SPIDR: variants seen among roughly 807,000 people sequenced by gnomAD.
SPIDR encodes the protein DNA repair-scaffolding protein.
In SPIDR, 93 loss-of-function variants were observed where a neutral mutation model predicts 104.6. The ratio of observed to expected loss-of-function variants is 0.89; its 90% CI spans 0.75 to 1.06. The LOEUF is 1.06. Ranked by LOEUF, SPIDR falls within the 50% of genes least tolerant of loss-of-function variation. SPIDR has a pLI of 0.00. For missense variants in SPIDR, 1,154 were observed against 1,111.2 expected (o/e 1.04, Z -0.55); for synonymous variants, 431 against 416.9 (o/e 1.03, Z -0.41).
At chr8:47,338,230 A>G (rs2050122671) in intron 5 of SPIDR, among the ~76,000 whole-genome samples, 1 of 152,114 alleles carries the variant, frequency 6.6e-6, no homozygotes, top group Admixed American at 6.5e-5. Flanking sequence ...TCTAGTGGTA[A>G]GCTTGGCCTG....
At chr8:47,390,283 A>G (rs373526118) in intron 5 of SPIDR, among the ~76,000 whole-genome samples, 44 of 152,258 alleles carry the variant, frequency 2.9e-4, no homozygotes, top group African/African-American at 1.0e-3. Flanking sequence ...AGAAGCTAGC[A>G]TGTATGTGCC....
chr8:47,437,806 T>TC (rs1317193737), intron 7 of SPIDR, among the ~76,000 whole-genome samples: 1 of 152,026 alleles, frequency 6.6e-6, no homozygotes, highest in African/African-American at 2.4e-5. Context: ...GTAAACTAGT[T>TC]CAACCATTGT....
At chr8:47,350,009 G>A (rs1477225897) in intron 5 of SPIDR, among the ~76,000 whole-genome samples, 8 of 152,268 alleles carry the variant, frequency 5.3e-5, no homozygotes, top group East Asian at 3.9e-4. Context: ...AGATGAACCC[G>A]GTACCTCCTT....
chr8:47,444,550 G>A lies in SPIDR; in HGVS notation c.1097+4008G>A, dbSNP rs184069018. Reference sequence around the variant, plus strand: ...GTCACTACTTAGTATTCCACTATATGGACATGTGGTAATTTAAACATCCTC... The same window carrying A: ...GTCACTACTTAGTATTCCACTATATAGACATGTGGTAATTTAAACATCCTC... On this transcript the variant is annotated intron_variant, in intron 8 of 19. Coordinates refer to ENST00000297423, the MANE Select transcript of SPIDR (RefSeq NM_001080394.4). 5.9e-5 allele frequency among the ~76,000 whole-genome samples: 9 copies of A among 152,252 alleles called. No homozygotes were observed. The East Asian group carries it at 1.3e-3, about 23-fold the overall frequency.
chr8:47,506,494 G>A (rs956277930), intron 8 of SPIDR, among the ~76,000 whole-genome samples: 2 of 152,098 alleles, frequency 1.3e-5, no homozygotes, highest in African/African-American at 2.4e-5. Flanking sequence ...CTGGGATCCT[G>A]TAACCTATAG....
intron 7 of SPIDR, among the ~76,000 whole-genome samples, chr8:47,437,734 A>T (rs1049962602): frequency 3.5e-4 from 53 of 152,098 alleles, no homozygotes; most frequent in African/African-American, 9.9e-4. Context: ...AAAAGTCAGG[A>T]AACAACAGGT....
At chr8:47,353,231 A>C (rs1403373850) in intron 5 of SPIDR, among the ~76,000 whole-genome samples, 1 of 152,164 alleles carries the variant, frequency 6.6e-6, no homozygotes, top group African/African-American at 2.4e-5. Context: ...GCATACTTAT[A>C]TATACGCCAG....
chr8:47,327,144 G>T (rs553122500), intron 5 of SPIDR, among the ~76,000 whole-genome samples: 1 of 152,150 alleles, frequency 6.6e-6, no homozygotes, highest in East Asian at 1.9e-4. Flanking sequence ...AAATCCTAGT[G>T]GCTGTGAAAT....
At chr8:47,627,425 G>A (rs1226893275) in intron 10 of SPIDR, among the ~76,000 whole-genome samples, 5 of 151,806 alleles carry the variant, frequency 3.3e-5, no homozygotes, top group East Asian at 1.9e-4. Context: ...ATGATTTACC[G>A]CTAGTAGGAA....
At chr8:47,282,776 T>C (rs1243597836) in intron 2 of SPIDR, among the ~76,000 whole-genome samples, 2 of 152,220 alleles carry the variant, frequency 1.3e-5, no homozygotes, top group Non-Finnish European at 2.9e-5. Context: ...ACGGTTTGGC[T>C]CAAGAGGTCT....
intron 10 of SPIDR, among the ~76,000 whole-genome samples, chr8:47,668,030 A>T (rs1432781779): frequency 6.6e-6 from 1 of 152,234 alleles, no homozygotes; most frequent in East Asian, 1.9e-4. Context: ...CAAATAGTCC[A>T]GTTATCATTA....
chr8:47,357,759 G>T (rs1315142306), intron 5 of SPIDR: 1 of 505,924 alleles, frequency 2.0e-6, no homozygotes, highest in African/African-American at 2.1e-5. Flanking sequence ...AATTTGAAGT[G>T]TGGAAGTTGG....
intron 5 of SPIDR, among the ~76,000 whole-genome samples, chr8:47,303,148 C>G (rs1256266819): frequency 6.6e-6 from 1 of 152,212 alleles, no homozygotes; most frequent in African/African-American, 2.4e-5. Context: ...GCAATGGTGG[C>G]TGCCCCTCCC....
At chr8:47,681,191 T>C (rs2077054754) in intron 11 of SPIDR, among the ~76,000 whole-genome samples, 1 of 152,222 alleles carries the variant, frequency 6.6e-6, no homozygotes, top group African/African-American at 2.4e-5. Context: ...TAGGAGTATG[T>C]TTTGTGTTTT....
chr8:47,402,747 G>T (rs1210792037), intron 6 of SPIDR, among the ~76,000 whole-genome samples: 1 of 152,180 alleles, frequency 6.6e-6, no homozygotes, highest in Non-Finnish European at 1.5e-5. Flanking sequence ...GGACCAGACG[G>T]ATTCACAGCC....
rs200981603 is a variant in SPIDR, at chr8:47,712,879, T to C, written c.2188+7T>C. ...GACGCTCTCCGTGACCAGGGTGTGCTTGCGTCTCCACAGCTTTGATGCAGG... is the reference window on the plus strand; with the variant it reads ...GACGCTCTCCGTGACCAGGGTGTGCCTGCGTCTCCACAGCTTTGATGCAGG... On this transcript the variant is annotated splice_region_variant and intron_variant, in intron 15 of 19. Coordinates refer to ENST00000297423, the MANE Select transcript of SPIDR (RefSeq NM_001080394.4). 39 of 1,613,866 alleles carry C rather than the reference T, an allele frequency of 2.4e-5. No homozygotes were observed. In the African/African-American group the frequency reaches 3.7e-4, roughly 15 times the overall value.
At chr8:47,271,617 T>A (rs1655749441) in intron 1 of SPIDR, among the ~76,000 whole-genome samples, 1 of 152,072 alleles carries the variant, frequency 6.6e-6, no homozygotes, top group South Asian at 2.1e-4. Context: ...GAGGCATTTT[T>A]ATAATTTTCT....
chr8:47,700,055 G>C (rs376872640), intron 11 of SPIDR, among the ~76,000 whole-genome samples: 59 of 152,164 alleles, frequency 3.9e-4, no homozygotes, highest in Middle Eastern at 3.4e-3. Context: ...CACACACACA[G>C]AGAGTGAGAG....
At chr8:47,731,247 C>T (rs1456963489) in intron 19 of SPIDR, among the ~76,000 whole-genome samples, 4 of 150,818 alleles carry the variant, frequency 2.7e-5, no homozygotes, top group South Asian at 2.1e-4. Flanking sequence ...AGCAAGACTC[C>T]GTCTCAGAAA....
Sources: gnomAD v4.1 joint callset for allele counts (sites outside exome capture counted in the v4.1 genomes callset) on GRCh38, gnomAD v4.1.1 for gene constraint, MANE v1.5 for transcripts, NCBI Gene and HGNC (gene_info 2026-07-23, HGNC 2026-07-21) for gene names.